RBBP6: variants seen among roughly 807,000 people sequenced by gnomAD.
RBBP6 encodes E3 ubiquitin-protein ligase RBBP6.
In RBBP6, 25 loss-of-function variants were observed where a neutral mutation model predicts 167.7. That is an observed-to-expected ratio of 0.15 (90% CI 0.11 to 0.21). The LOEUF is 0.21. Among genes scored for constraint, RBBP6 ranks in the 10% least tolerant of loss-of-function variants. RBBP6 has a pLI of 1.00. For synonymous variants in RBBP6, 789 were observed against 735.8 expected, an observed-to-expected ratio of 1.07 and a Z score of -1.17; for missense variants, 1,868 against 2,134.2, an observed-to-expected ratio of 0.88 and a Z score of 2.46.
intron 7 of RBBP6, among the ~76,000 whole-genome samples, chr16:24,559,091 T>C (rs1463984979): frequency 6.6e-6 from 1 of 152,208 alleles, no homozygotes; most frequent in African/African-American, 2.4e-5. Flanking sequence ...TTGGGATTTT[T>C]AATTTTAATT....
Position 24,572,375 on chromosome 16 carries a change from CAAAG to C in RBBP6, c.5312_5315del (p.Lys1771ArgfsTer16), listed in dbSNP as rs2141481180. 2.6e-6 allele frequency: 4 copies of C among 1,548,564 alleles called. No individual in the cohort carries two copies. The highest frequency in any genetic ancestry group is 2.6e-6 in the Non-Finnish European group (3 of 1,146,254). On this transcript the variant is annotated frameshift_variant, in exon 18 of 18. Transcript: ENST00000319715. LOFTEE classifies it high-confidence loss of function. Reference sequence around the variant, plus strand: ...AAACACAAACACAAGAAAAAGAAGTCAAAGAAGAACAAAGATAAAGAGAAGGAGA... The same window carrying C: ...AAACACAAACACAAGAAAAAGAAGTCAAGAACAAAGATAAAGAGAAGGAGA...
At position 24,569,882 on chromosome 16, in the gene RBBP6, G is replaced by C; in HGVS notation, c.3192G>C (p.Glu1064Asp). The C allele has an allele frequency of 6.2e-7, 1 of 1,610,670 alleles. No homozygotes were observed. Among genetic ancestry groups the C allele is most frequent in the Admixed American group, 1.7e-5 (1 of 59,142 alleles). The change falls in exon 17 of 18, where the codon GAG becomes GAC. Residue 1064 changes from glutamate to aspartate, a missense_variant. By Grantham distance (45) the Glu-to-Asp change is conservative. Transcript: ENST00000319715. ...AACCTCCAATTAAAAAAGCCAAAGA[G>C]GAGACTCCGAAGACTGACAATACTA... is the stretch of plus-strand genomic sequence containing the variant. The part of the protein sequence containing the change: ...RSEPPIKKAK[E>D]ETPKTDNTKS...
Position 24,568,965 on chromosome 16 carries a change from A to G in RBBP6, c.2275A>G (p.Arg759Gly). ...TCATGGATATCATCGATCTAGGTCAAGGTCACCCCCTTACAGACGCTATCA... is the reference window on the plus strand; with the variant it reads ...TCATGGATATCATCGATCTAGGTCAGGGTCACCCCCTTACAGACGCTATCA... ...RSHGYHRSRS[R>G]SPPYRRYHSR... The change falls in exon 17 of 18, where the codon AGG (arginine) becomes GGG (glycine). Residue 759 changes from arginine (R) to glycine (G), a missense_variant. By Grantham distance (125) the Arg-to-Gly change is moderately radical. Transcript: ENST00000319715. The G allele has an allele frequency of 6.2e-7, 1 of 1,614,202 alleles. No homozygotes were observed. Among genetic ancestry groups the G allele is most frequent in the Non-Finnish European group, 8.5e-7 (1 of 1,180,014 alleles).
chr16:24,561,791 A>T, intron 9 of RBBP6, 33 bp from the exon 10 acceptor site: 1 of 1,605,588 alleles, frequency 6.2e-7, no homozygotes, highest in Non-Finnish European at 8.5e-7. Flanking sequence ...ACTGCATAAC[A>T]TTTTTCTGCA....
chr16:24,553,322 G>C (rs1898841938), intron 3 of RBBP6, 191 bp from the exon 4 acceptor site: 2 of 475,612 alleles, frequency 4.2e-6, no homozygotes, highest in Non-Finnish European at 7.6e-6. Context: ...CCAACTGATA[G>C]CTTTTTATAA....
rs768997835 is a variant in RBBP6, at chr16:24,571,106, G to A, written c.4040G>A (p.Ser1347Asn). 1.9e-6 allele frequency: 3 copies of A among 1,612,704 alleles called. No homozygotes were observed. The highest frequency in any genetic ancestry group is 2.5e-6 in the Non-Finnish European group (3 of 1,179,170). The change falls in exon 18 of 18, where the codon AGT (serine) becomes AAT (asparagine). Residue 1347 changes from serine to asparagine, a missense_variant. By Grantham distance (46) the Ser-to-Asn change is conservative. Transcript: ENST00000319715. ...QPISSVGKPA[S>N]VIKNVSTKPS... ...ATATCAAGTGTAGGAAAACCTGCTA[G>A]TGTTATAAAAAATGTTAGTACAAAG... is the stretch of plus-strand genomic sequence containing the variant.
At chr16:24,548,086 A>G (rs1898704459) in intron 2 of RBBP6, among the ~76,000 whole-genome samples, 1 of 152,144 alleles carries the variant, frequency 6.6e-6, no homozygotes, top group African/African-American at 2.4e-5. Flanking sequence ...AACTCCTGTT[A>G]GATGCTAACA....
Position 24,569,705 on chromosome 16 carries a change from C to T in RBBP6, c.3015C>T (p.Asp1005=), listed in dbSNP as rs747130056. The T allele has an allele frequency of 1.2e-6, 2 of 1,613,806 alleles. No homozygotes were observed. Among genetic ancestry groups the T allele is most frequent in the South Asian group, 2.2e-5 (2 of 91,068 alleles). ...CTTTTAAATCAGTGTCTGAAAAAGA[C>T]AAGAGAGAAAGGGATAAACCAAAAG... ...SITFKSVSEK[D]KRERDKPKAK... The change falls in exon 17 of 18, where the codon GAC becomes GAT. Residue 1005 remains aspartate, a synonymous_variant. Transcript: ENST00000319715.
At chr16:24,559,375 G>A in intron 7 of RBBP6, 130 bp from the exon 8 acceptor site, 1 of 603,018 alleles carries the variant, frequency 1.7e-6, no homozygotes. Context: ...TATTTTAGAA[G>A]ATATGGTGCT....
chr16:24,551,303 T>A (rs1185381093), intron 3 of RBBP6, among the ~76,000 whole-genome samples: 1 of 151,780 alleles, frequency 6.6e-6, no homozygotes, highest in Non-Finnish European at 1.5e-5. Context: ...GTGGCAGACT[T>A]TTTTTTACCA....
chr16:24,567,416 G>C lies in RBBP6; in HGVS notation c.1863G>C (p.Gln621His). ...LSTPWVSSGV[Q>H]TAHSNTIPTT... The stretch of plus-strand genomic sequence containing the variant: ...CACCTTGGGTATCATCAGGAGTGCA[G>C]ACAGCTCATTCAAATACCATCCCAA... The change falls in exon 15 of 18, where the codon CAG becomes CAC. Residue 621 changes from glutamine to histidine, a missense_variant. Physicochemically the swap from Gln to His is conservative, Grantham distance 24. Transcript: ENST00000319715. 6.2e-7 allele frequency: 1 copy of C among 1,614,170 alleles called. No individual in the cohort carries two copies. The highest frequency in any genetic ancestry group is 8.5e-7 in the Non-Finnish European group (1 of 1,180,022).
intron 5 of RBBP6, 39 bp from the exon 6 acceptor site, chr16:24,555,782 A>G (rs759854542): frequency 5.1e-5 from 81 of 1,583,766 alleles, no homozygotes; most frequent in Non-Finnish European, 5.7e-5. Flanking sequence ...TATTTTTTCA[A>G]AGTCCTCGTA....
intron 3 of RBBP6, chr16:24,549,251 T>A: frequency 7.7e-7 from 1 of 1,291,310 alleles, no homozygotes. Context: ...GTTGTACAGT[T>A]AATGTATGAT....
intron 3 of RBBP6, among the ~76,000 whole-genome samples, chr16:24,552,579 A>G (rs992371032): frequency 1.3e-5 from 2 of 151,888 alleles, no homozygotes; most frequent in Admixed American, 1.3e-4. Flanking sequence ...TTAGTGTTCA[A>G]TTTAAAATAC....
chr16:24,549,795 T>C (rs1898752508), intron 3 of RBBP6, among the ~76,000 whole-genome samples: 2 of 152,068 alleles, frequency 1.3e-5, no homozygotes, highest in South Asian at 2.1e-4. Flanking sequence ...TTCCCTCTTA[T>C]ACTAAAATGC....
intron 14 of RBBP6, among the ~76,000 whole-genome samples, chr16:24,565,679 C>T (rs1899178916): frequency 6.6e-6 from 1 of 152,176 alleles, no homozygotes; most frequent in South Asian, 2.1e-4. Context: ...GAAAAATTGT[C>T]TTCCACAAAA....
In RBBP6 at chr16:24,568,996, G is replaced by T; in HGVS notation, c.2306G>T (p.Arg769Leu). The T allele has an allele frequency of 6.2e-7, 1 of 1,614,060 alleles. No individual in the cohort carries two copies. Among genetic ancestry groups the T allele is most frequent in the Non-Finnish European group, 8.5e-7 (1 of 1,179,966 alleles). Residue 769 changes from arginine to leucine, a missense_variant, in exon 17 of 18, where the codon CGA becomes CTA. This residue lies in a region of RBBP6 where 673 missense variants were observed against 691.5 expected (regional missense o/e 0.97). Transcript: ENST00000319715. ...RSPPYRRYHS[R>L]SRSPQAFRGQ... Reference sequence around the variant, plus strand: ...CCCCCTTACAGACGCTATCATTCACGATCAAGATCTCCTCAAGCGTTTAGG... The same window carrying T: ...CCCCCTTACAGACGCTATCATTCACTATCAAGATCTCCTCAAGCGTTTAGG...
At chr16:24,567,999 C>T (rs1345611318) in intron 16 of RBBP6, 106 bp downstream of exon 16, 5 of 896,704 alleles carry the variant, frequency 5.6e-6, no homozygotes, top group Admixed American at 2.5e-5. Context: ...TTTTCTGATT[C>T]GGTCTAGGTG....
intron 8 of RBBP6, chr16:24,559,945 T>C (rs1899007521): frequency 9.0e-6 from 2 of 221,626 alleles, no homozygotes; most frequent in Non-Finnish European, 1.7e-5. Flanking sequence ...ATAGACTTTT[T>C]GTTTCCTGTA....
Sources: allele counts gnomAD v4.1 joint callset (sites outside exome capture counted in the v4.1 genomes callset), GRCh38; gene constraint gnomAD v4.1.1; regional missense constraint gnomAD v4.1.1; transcripts MANE v1.5; gene names NCBI Gene and HGNC (gene_info 2026-07-23, HGNC 2026-07-21).